VPS37A: variants seen among roughly 807,000 people sequenced by gnomAD.
VPS37A encodes vacuolar protein sorting-associated protein 37A.
A neutral mutation model predicts 49.8 loss-of-function variants in VPS37A; 30 were observed. The observed-to-expected ratio is 0.60, with a 90% CI of 0.45 to 0.82. The LOEUF is 0.82. Among genes scored for constraint, VPS37A ranks in the 40% least tolerant of loss-of-function variants. VPS37A has a pLI of 0.00. For synonymous variants in VPS37A, 195 were observed against 160.6 expected (o/e 1.21, Z -1.62); for missense variants, 593 against 464.4 (o/e 1.28, Z -2.55).
intron 5 of VPS37A, among the ~76,000 whole-genome samples, chr8:17,275,960 T>C (rs760337321): frequency 6.6e-6 from 1 of 152,200 alleles, no homozygotes; most frequent in Non-Finnish European, 1.5e-5. Context: ...TAAAAAGTCA[T>C]ATATATTCAA....
At chr8:17,279,690 CTGAGT>C (rs892489427) in intron 6 of VPS37A, 2 of 408,350 alleles carry the variant, frequency 4.9e-6, no homozygotes, top group East Asian at 7.0e-5. Context: ...TGTTCTTTAC[CTGAGT>C]TAAGTTGACT....
At chr8:17,256,051 G>T in intron 1 of VPS37A, among the ~76,000 whole-genome samples, 1 of 151,798 alleles carries the variant, frequency 6.6e-6, no homozygotes, top group Non-Finnish European at 1.5e-5. Context: ...AATATACCCA[G>T]TAGCAGAATT....
chr8:17,310,596 G>A, the VPS37A span, among the ~76,000 whole-genome samples: 2 of 152,142 alleles, frequency 1.3e-5, no homozygotes, highest in African/African-American at 4.8e-5. Context: ...GTCCAGCAGG[G>A]ATCTGAAGCA....
chr8:17,299,834 C>G, downstream of VPS37A: 1 of 1,611,384 alleles, frequency 6.2e-7, no homozygotes, highest in Non-Finnish European at 8.5e-7. Flanking sequence ...CTTATGTGTC[C>G]TTTACTTTGG....
the VPS37A span, among the ~76,000 whole-genome samples, chr8:17,328,568 G>A: frequency 7.2e-5 from 11 of 152,086 alleles, no homozygotes; most frequent in Admixed American, 1.3e-4. Context: ...GCCTGTTGGC[G>A]GGGGTGGGGG....
At chr8:17,304,746 C>CGTGTGTGTGTGTGTGTGTGTGAGTGT (rs1817341524), downstream of VPS37A, among the ~76,000 whole-genome samples, 1 of 146,992 alleles carries the variant, frequency 6.8e-6, no homozygotes, top group Non-Finnish European at 1.5e-5. Context: ...GTGTTCGATT[C>CGTGTGTGTGTGTGTGTGTGTGAGTGT]GTGTGTGTGT....
intron 4 of VPS37A, among the ~76,000 whole-genome samples, chr8:17,269,600 C>T (rs948119323): frequency 1.3e-5 from 2 of 152,068 alleles, no homozygotes; most frequent in African/African-American, 4.8e-5. Flanking sequence ...TCATTGTTTC[C>T]TTCACATTCA....
the VPS37A span, among the ~76,000 whole-genome samples, chr8:17,332,827 T>C: frequency 3.3e-5 from 5 of 152,138 alleles, no homozygotes; most frequent in African/African-American, 1.2e-4. Flanking sequence ...TATAGATATG[T>C]ATTTAAGTTT....
chr8:17,277,861 T>TACACAC (rs67718316), intron 6 of VPS37A, among the ~76,000 whole-genome samples: 2,861 of 140,940 alleles, frequency 0.02, 44 homozygotes, highest in East Asian at 0.081. Context: ...TTCTCTTTTA[T>TACACAC]ACACACACAC....
intron 11 of VPS37A, among the ~76,000 whole-genome samples, chr8:17,291,992 T>C (rs1816202898): frequency 1.3e-5 from 2 of 152,218 alleles, no homozygotes; most frequent in African/African-American, 2.4e-5. Context: ...TTAGTTCCGT[T>C]TGGTCCAGAA....
At chr8:17,318,275 A>C in the VPS37A span, among the ~76,000 whole-genome samples, 1 of 152,294 alleles carries the variant, frequency 6.6e-6, no homozygotes, top group South Asian at 2.1e-4. Flanking sequence ...ACAGACACCC[A>C]GCAGACGTAC....
chr8:17,307,204 C>T (rs1409541595), downstream of VPS37A, among the ~76,000 whole-genome samples: 2 of 152,162 alleles, frequency 1.3e-5, no homozygotes, highest in East Asian at 3.9e-4. Context: ...AAAAAAACAA[C>T]CCCATCAAAA....
the VPS37A span, among the ~76,000 whole-genome samples, chr8:17,308,173 A>G: frequency 1.3e-5 from 2 of 151,974 alleles, no homozygotes; most frequent in Non-Finnish European, 2.9e-5. Context: ...TTTACTGCAA[A>G]TCAAAAAAAA....
At chr8:17,287,088 AC>A (rs578066512) in intron 11 of VPS37A, among the ~76,000 whole-genome samples, 6 of 152,084 alleles carry the variant, frequency 3.9e-5, no homozygotes, top group Admixed American at 6.6e-5. Flanking sequence ...TCTTTCTTCT[AC>A]CACGGTATCT....
At chr8:17,257,346 A>G (rs1812560900) in intron 1 of VPS37A, among the ~76,000 whole-genome samples, 3 of 152,300 alleles carry the variant, frequency 2.0e-5, no homozygotes, top group Non-Finnish European at 2.9e-5. Flanking sequence ...AGCTGGATAG[A>G]TAGTGTGATG....
chr8:17,296,375 A>G lies in VPS37A; in HGVS notation c.*1389A>G, dbSNP rs1228251841. On this transcript the variant is annotated 3_prime_UTR_variant, in exon 12 of 12. Transcript: ENST00000324849. ...CTTCAAAGTGACCAGATGAGGAAGGAATAATTAATTATTACTCCTGATTTG... is the reference window on the plus strand; with the variant it reads ...CTTCAAAGTGACCAGATGAGGAAGGGATAATTAATTATTACTCCTGATTTG... The G allele has an allele frequency of 3.9e-5, 6 of 152,200 alleles. No homozygotes were observed. The highest frequency in any genetic ancestry group is 5.9e-5 in the Non-Finnish European group (4 of 68,016). 9.4% of individuals were successfully genotyped at this position (152,200 alleles called of 1,614,324 possible).
In VPS37A at chr8:17,281,617, C is replaced by T. The variant is rs369014024; in HGVS notation, c.969+1174C>T. Among the ~76,000 whole-genome samples the T allele has an allele frequency of 4.5e-4, 68 of 151,930 alleles. 1 individual carries two copies. In the South Asian group the frequency reaches 0.014, roughly 31 times the overall value. Reference sequence around the variant, plus strand: ...ATGCCTCATGATCACTGCTGTTTAACGTTGTTTGGGAGGTTTTGAGTACTG... The same window carrying T: ...ATGCCTCATGATCACTGCTGTTTAATGTTGTTTGGGAGGTTTTGAGTACTG... On this transcript the variant is annotated intron_variant, in intron 9 of 11. Transcript: ENST00000324849.
At chr8:17,251,951 A>G (rs1047489074) in intron 1 of VPS37A, among the ~76,000 whole-genome samples, 1 of 152,114 alleles carries the variant, frequency 6.6e-6, no homozygotes, top group Admixed American at 6.5e-5. Flanking sequence ...CCCCTATCTC[A>G]TGGGATTCTG....
intron 2 of VPS37A, among the ~76,000 whole-genome samples, chr8:17,267,095 G>A (rs1035814350): frequency 4.6e-5 from 7 of 152,102 alleles, no homozygotes; most frequent in African/African-American, 1.7e-4. Context: ...GCAAATTAGG[G>A]CAAATTACAG....
Sources: gnomAD v4.1 joint callset for allele counts (sites outside exome capture counted in the v4.1 genomes callset) on GRCh38, gnomAD v4.1.1 for gene constraint, MANE v1.5 for transcripts, NCBI Gene and HGNC (gene_info 2026-07-23, HGNC 2026-07-21) for gene names.